Variants in FSHR observed in about 807,000 individuals in gnomAD.
FSHR encodes the protein follicle-stimulating hormone receptor.
A neutral mutation model predicts 52.1 loss-of-function variants in FSHR; 46 were observed. The observed-to-expected ratio is 0.88, with a 90% CI of 0.70 to 1.13. The LOEUF is 1.13. Among genes scored for constraint, FSHR ranks in the 50% most tolerant of loss-of-function variants. The probability of loss-of-function intolerance (pLI) is 0.00; values close to 1 mark genes in which losing one functional copy is unlikely to be tolerated. For synonymous variants in FSHR, 399 were observed against 309.6 expected (o/e 1.29, Z -3.03); for missense variants, 964 against 834.6 (o/e 1.16, Z -1.91).
intron 1 of FSHR, among the ~76,000 whole-genome samples, chr2:49,102,064 T>C (rs907786551): frequency 9.9e-5 from 15 of 152,242 alleles, no homozygotes; most frequent in South Asian, 2.1e-4. Context: ...GGGACAGATA[T>C]TCAAAATAGC....
At chr2:49,090,811 A>G (rs1670578259) in intron 1 of FSHR, among the ~76,000 whole-genome samples, 1 of 152,142 alleles carries the variant, frequency 6.6e-6, no homozygotes, top group African/African-American at 2.4e-5. Flanking sequence ...TCTGATAGCT[A>G]TAAAGTTTTA....
At chr2:49,150,621 A>G (rs1256624814) in intron 1 of FSHR, among the ~76,000 whole-genome samples, 1 of 152,048 alleles carries the variant, frequency 6.6e-6, no homozygotes, top group African/African-American at 2.4e-5. Flanking sequence ...ATTTAATGGA[A>G]CATCCTGGGT....
chr2:49,073,641 A>G (rs1572708033), intron 1 of FSHR, among the ~76,000 whole-genome samples: 1 of 152,242 alleles, frequency 6.6e-6, no homozygotes, highest in South Asian at 2.1e-4. Flanking sequence ...TACAGATTCA[A>G]TGCAATCCCT....
intron 2 of FSHR, among the ~76,000 whole-genome samples, chr2:49,052,124 A>T (rs528246321): frequency 1.3e-5 from 2 of 152,226 alleles, no homozygotes; most frequent in African/African-American, 4.8e-5. Flanking sequence ...TAAACAAAAT[A>T]TTAGCAAATC....
At chr2:49,050,597 A>G (rs1343261511) in intron 2 of FSHR, among the ~76,000 whole-genome samples, 3 of 152,126 alleles carry the variant, frequency 2.0e-5, no homozygotes, top group Admixed American at 6.6e-5. Context: ...TTGGGTTTAA[A>G]TCCTAGCTTC....
chr2:48,968,634 A>G, intron 9 of FSHR, 64 bp downstream of exon 9: 1 of 1,568,356 alleles, frequency 6.4e-7, no homozygotes, highest in Non-Finnish European at 8.8e-7. Context: ...ACAGATAGGT[A>G]GAAATTGTGG....
At chr2:48,966,056 C>T (rs1573015848) in intron 9 of FSHR, among the ~76,000 whole-genome samples, 1 of 152,186 alleles carries the variant, frequency 6.6e-6, no homozygotes, top group South Asian at 2.1e-4. Flanking sequence ...TCTGTTTGGT[C>T]AGTGTAGGTC....
chr2:49,082,863 G>T (rs1363160156), intron 1 of FSHR, among the ~76,000 whole-genome samples: 2 of 152,088 alleles, frequency 1.3e-5, no homozygotes, highest in Non-Finnish European at 2.9e-5. Flanking sequence ...CCAAATCTAC[G>T]TCTGATTGGT....
At chr2:49,074,443 A>C (rs1464484233) in intron 1 of FSHR, among the ~76,000 whole-genome samples, 1 of 152,152 alleles carries the variant, frequency 6.6e-6, no homozygotes, top group African/African-American at 2.4e-5. Flanking sequence ...CATCAGGAAA[A>C]TTCAAATTAA....
chr2:49,040,812 A>G (rs1233329728), intron 2 of FSHR, among the ~76,000 whole-genome samples: 6 of 149,256 alleles, frequency 4.0e-5, no homozygotes, highest in Non-Finnish European at 7.4e-5. Context: ...GAGAATCAAA[A>G]TAAGGAGTTA....
chr2:49,133,102 C>T (rs1035105743), intron 1 of FSHR, among the ~76,000 whole-genome samples: 8 of 151,992 alleles, frequency 5.3e-5, no homozygotes, highest in African/African-American at 1.2e-4. Flanking sequence ...ACAGAGTTCC[C>T]TCTTCCCTAG....
chr2:48,963,308 T>C lies in FSHR; in HGVS notation c.1513A>G (p.Ile505Val). Residue 505 changes from isoleucine (I) to valine (V), a missense_variant, in exon 10 of 10, where the codon ATC becomes GTC. Transcript: ENST00000406846. The part of the protein sequence containing the change: ...IFAFAAALFP[I>V]FGISSYMKVS... The stretch of plus-strand genomic sequence containing the variant: ...TTCATGTAGCTGCTGATGCCAAAGA[T>C]GGGAAAGAGGGCAGCTGCAAAAGCA... 6 of 1,614,030 alleles carry C rather than the reference T, an allele frequency of 3.7e-6. No homozygotes were observed. The highest frequency in any genetic ancestry group is 1.1e-5 in the South Asian group (1 of 91,052).
Position 49,083,335 on chromosome 2 carries a change from C to T in FSHR, c.153-15045G>A, listed in dbSNP as rs1376544512. On this transcript the variant is annotated intron_variant, in intron 1 of 9. Coordinates refer to ENST00000406846, the MANE Select transcript of FSHR (RefSeq NM_000145.4). ...CCACCAGGCCTGCCCTAAAAGAGCTCCTGAAGGAAGCGCTAAACATGGAAA... is the reference window on the plus strand; with the variant it reads ...CCACCAGGCCTGCCCTAAAAGAGCTTCTGAAGGAAGCGCTAAACATGGAAA... 2.0e-5 allele frequency among the ~76,000 whole-genome samples: 3 copies of T among 150,016 alleles called. No homozygotes were observed. In the East Asian group the frequency reaches 5.9e-4, roughly 30 times the overall value.
intron 2 of FSHR, among the ~76,000 whole-genome samples, chr2:49,033,809 C>A (rs1668186898): frequency 6.6e-6 from 1 of 152,076 alleles, no homozygotes; most frequent in African/African-American, 2.4e-5. Context: ...TAATAGGGAG[C>A]AAAGCTTTAA....
intron 1 of FSHR, among the ~76,000 whole-genome samples, chr2:49,147,958 T>G (rs1341228195): frequency 1.3e-5 from 2 of 152,006 alleles, no homozygotes; most frequent in Non-Finnish European, 2.9e-5. Flanking sequence ...CAGGGCAATT[T>G]GCACAGTGGG....
intron 4 of FSHR, among the ~76,000 whole-genome samples, chr2:49,004,865 C>T (rs1280784696): frequency 6.6e-6 from 1 of 152,078 alleles, no homozygotes; most frequent in Non-Finnish European, 1.5e-5. Context: ...GATACAACTA[C>T]CTTGTAAGAA....
intron 2 of FSHR, among the ~76,000 whole-genome samples, chr2:49,032,449 C>T (rs1668132701): frequency 6.6e-6 from 1 of 152,156 alleles, no homozygotes; most frequent in African/African-American, 2.4e-5. Context: ...TCTCAAATTC[C>T]TTTGCAGTCC....
chr2:49,106,168 G>C (rs1217458137), intron 1 of FSHR, among the ~76,000 whole-genome samples: 1 of 152,146 alleles, frequency 6.6e-6, no homozygotes, highest in Non-Finnish European at 1.5e-5. Flanking sequence ...GAGACCTCAG[G>C]CCTGAAATAC....
chr2:49,039,947 A>G lies in FSHR; in HGVS notation c.225-19787T>C, dbSNP rs181223470. ...TGGTTTTTTTTTTTCTATAGCAGGC[A>G]TGTATTACTTTCATAATCATAAAAA... On this transcript the variant is annotated intron_variant, in intron 2 of 9. Transcript: ENST00000406846. Among the ~76,000 whole-genome samples the G allele has an allele frequency of 3.4e-3, 511 of 151,636 alleles. 7 individuals are homozygous for G. The highest frequency in any genetic ancestry group is 2.2e-3 in the Non-Finnish European group (147 of 67,930).
Sources: gnomAD v4.1 joint callset for allele counts (sites outside exome capture counted in the v4.1 genomes callset) on GRCh38, gnomAD v4.1.1 for gene constraint, MANE v1.5 for transcripts, NCBI Gene and HGNC (gene_info 2026-07-23, HGNC 2026-07-21) for gene names.